The following NRG1 variants were observed in gnomAD, a reference collection of about 807,000 sequenced individuals.
NRG1 encodes neuregulin 1.
In NRG1, 18 loss-of-function variants were observed where a neutral mutation model predicts 63.8. That is an observed-to-expected ratio of 0.28 (90% CI 0.19 to 0.42). The LOEUF (loss-of-function observed/expected upper bound fraction) is 0.42. Among genes scored for constraint, NRG1 ranks in the 10% least tolerant of loss-of-function variants. The pLI is 1.00. For synonymous variants in NRG1, 302 were observed against 301.3 expected (o/e 1.00, Z -0.02); for missense variants, 762 against 814.7 (o/e 0.94, Z 0.79).
Position 31,889,391 on chromosome 8 carries a change from C to T in NRG1, c.37+249960C>T, listed in dbSNP as rs117229822. Among the ~76,000 whole-genome samples, 582 of 152,238 alleles carry T rather than the reference C, an allele frequency of 3.8e-3. 5 individuals carry two copies. Among genetic ancestry groups the T allele is most frequent in the Non-Finnish European group, 3.5e-3 (238 of 68,020 alleles). ...CTTCAAGTTTGTGGACTGAGCTAAA[C>T]ATGTGTCTACTCTCCCTTCAAACAT... On this transcript the variant is annotated intron_variant, in intron 1 of 10. Coordinates refer to the NRG1 transcript ENST00000519301.
At chr8:32,153,663 A>G (rs967888327) in intron 1 of NRG1, among the ~76,000 whole-genome samples, 19 of 152,234 alleles carry the variant, frequency 1.2e-4, no homozygotes, top group African/African-American at 2.9e-4. Flanking sequence ...AAGAATTCCA[A>G]TGAAAAGCTA....
intron 1 of NRG1, among the ~76,000 whole-genome samples, chr8:32,371,605 T>G (rs1476007283): frequency 6.7e-6 from 1 of 149,050 alleles, no homozygotes. Flanking sequence ...CAAAGAGATA[T>G]TAGTGAGAAT....
chr8:32,598,837 C>T (rs932424963), intron 2 of NRG1, among the ~76,000 whole-genome samples: 2 of 151,954 alleles, frequency 1.3e-5, no homozygotes, highest in African/African-American at 4.8e-5. Flanking sequence ...ATTAAAGGTT[C>T]CAACTGAATC....
At chr8:31,877,220 A>T (rs1439645975) in intron 1 of NRG1, among the ~76,000 whole-genome samples, 1 of 152,150 alleles carries the variant, frequency 6.6e-6, no homozygotes, top group Non-Finnish European at 1.5e-5. Flanking sequence ...AAGCAAATTA[A>T]CTTTTTTAGA....
At chr8:32,400,021 G>A (rs1160917661) in intron 1 of NRG1, among the ~76,000 whole-genome samples, 1 of 152,118 alleles carries the variant, frequency 6.6e-6, no homozygotes, top group African/African-American at 2.4e-5. Context: ...GGTCTTTATA[G>A]CAGTGCAGTC....
At chr8:32,127,492 C>A (rs551433288) in intron 1 of NRG1, among the ~76,000 whole-genome samples, 15 of 150,732 alleles carry the variant, frequency 1.0e-4, no homozygotes, top group Admixed American at 8.6e-4. Flanking sequence ...CATTTTTGAA[C>A]CCTACTCTGT....
chr8:32,772,530 T>C (rs966637879), downstream of NRG1, among the ~76,000 whole-genome samples: 1 of 152,144 alleles, frequency 6.6e-6, no homozygotes, highest in Admixed American at 6.5e-5. Context: ...AGAAATAATA[T>C]TATAGATGTA....
chr8:32,478,135 C>T (rs1824765657), intron 1 of NRG1, among the ~76,000 whole-genome samples: 1 of 152,228 alleles, frequency 6.6e-6, no homozygotes, highest in African/African-American at 2.4e-5. Context: ...ACAATACCAA[C>T]CAGCAGTTTC....
chr8:32,048,649 G>A (rs928930351), intron 1 of NRG1, among the ~76,000 whole-genome samples: 1 of 151,386 alleles, frequency 6.6e-6, no homozygotes, highest in Non-Finnish European at 1.5e-5. Flanking sequence ...TTGTCTTTTT[G>A]GTAAAAGCCA....
intron 1 of NRG1, among the ~76,000 whole-genome samples, chr8:31,799,218 T>A (rs752489018): frequency 6.6e-6 from 1 of 152,118 alleles, no homozygotes. Context: ...AGTGTCCATG[T>A]ATCTCTAAAC....
In NRG1 at chr8:32,166,392, G is replaced by A. The variant is rs112124234; in HGVS notation, c.38-429436G>A. ...TGCCAATTGAAATGCAGACATATGCGGAAATTGCCTCATTGTCATTCCTTG... is the reference window on the plus strand; with the variant it reads ...TGCCAATTGAAATGCAGACATATGCAGAAATTGCCTCATTGTCATTCCTTG... On this transcript the variant is annotated intron_variant, in intron 1 of 10. Coordinates refer to the NRG1 transcript ENST00000519301. Among the ~76,000 whole-genome samples, 602 of 152,214 alleles carry A rather than the reference G, an allele frequency of 4.0e-3. 1 individual carries two copies. The highest frequency in any genetic ancestry group is 0.024 in the South Asian group (116 of 4,828).
chr8:32,622,592 G>A (rs1848533003), intron 5 of NRG1, among the ~76,000 whole-genome samples: 1 of 151,848 alleles, frequency 6.6e-6, no homozygotes, highest in Admixed American at 6.6e-5. Context: ...ACAGGGTTTC[G>A]CCATGTTCCC....
At chr8:32,338,478 C>T (rs1462896008) in intron 1 of NRG1, among the ~76,000 whole-genome samples, 1 of 152,076 alleles carries the variant, frequency 6.6e-6, no homozygotes, top group East Asian at 1.9e-4. Context: ...CATTCATGCT[C>T]ATTGTGAAAG....
chr8:31,972,653 C>G (rs1807491066), intron 1 of NRG1, among the ~76,000 whole-genome samples: 1 of 152,140 alleles, frequency 6.6e-6, no homozygotes, highest in Non-Finnish European at 1.5e-5. Flanking sequence ...TTCAACTCAT[C>G]CTTTTTACAA....
At chr8:32,718,467 G>A (rs370301454) in intron 5 of NRG1, among the ~76,000 whole-genome samples, 12 of 151,834 alleles carry the variant, frequency 7.9e-5, no homozygotes, top group Non-Finnish European at 1.5e-4. Flanking sequence ...ATGTTTTCCC[G>A]TTCCAAAGGC....
chr8:31,752,120 A>T (rs539990140), intron 1 of NRG1, among the ~76,000 whole-genome samples: 2 of 152,188 alleles, frequency 1.3e-5, no homozygotes, highest in East Asian at 3.9e-4. Flanking sequence ...CACATCCAGG[A>T]GAATGAGCCT....
chr8:32,040,613 A>G (rs953035250), intron 1 of NRG1, among the ~76,000 whole-genome samples: 1 of 150,016 alleles, frequency 6.7e-6, no homozygotes, highest in African/African-American at 2.4e-5. Flanking sequence ...ATATGCATAT[A>G]TACACATATA....
chr8:32,720,713 T>C (rs1820406020), intron 5 of NRG1, among the ~76,000 whole-genome samples: 1 of 152,150 alleles, frequency 6.6e-6, no homozygotes, highest in East Asian at 1.9e-4. Flanking sequence ...TATGACATCC[T>C]CCATGGTATT....
intron 1 of NRG1, among the ~76,000 whole-genome samples, chr8:32,368,555 A>G (rs1312731728): frequency 6.6e-6 from 1 of 152,192 alleles, no homozygotes; most frequent in Non-Finnish European, 1.5e-5. Context: ...TCATCTTTAA[A>G]AACAAACAAA....
Sources: allele counts gnomAD v4.1 joint callset (sites outside exome capture counted in the v4.1 genomes callset), GRCh38; gene constraint gnomAD v4.1.1; transcripts MANE v1.5; gene names NCBI Gene and HGNC (gene_info 2026-07-23, HGNC 2026-07-21).